The following EMP2 variants were observed in gnomAD, a reference collection of about 807,000 sequenced individuals.
EMP2 encodes the protein epithelial membrane protein 2.
Under a neutral mutation model 13.7 loss-of-function variants are expected in EMP2, and 19 were observed. The observed-to-expected ratio is 1.38, with a 90% CI of 0.97 to 2.03. EMP2 has a LOEUF of 2.03. Ranked by LOEUF, EMP2 falls within the 30% of genes most tolerant of loss-of-function variation. The probability of loss-of-function intolerance (pLI) is 0.00; values close to 1 mark genes in which losing one functional copy is unlikely to be tolerated. For synonymous variants in EMP2, 97 were observed against 84.7 expected, an observed-to-expected ratio of 1.15 and a Z score of -0.80; for missense variants, 253 against 220.7, an observed-to-expected ratio of 1.15 and a Z score of -0.93.
At chr16:10,562,861 C>G (rs917272056) in intron 1 of EMP2, among the ~76,000 whole-genome samples, 13 of 152,220 alleles carry the variant, frequency 8.5e-5, no homozygotes, top group Admixed American at 8.5e-4. Context: ...CTGCCAATGA[C>G]TGCTGCCTGA....
intron 1 of EMP2, chr16:10,559,065 C>T (rs2050853880): frequency 6.6e-6 from 1 of 152,414 alleles, no homozygotes; most frequent in Admixed American, 6.5e-5. Flanking sequence ...AGCTCCCGCT[C>T]CAACGGCCAG....
intron 4 of EMP2, 148 bp downstream of exon 4, chr16:10,537,780 A>ACG (rs1007659678): frequency 4.2e-5 from 39 of 934,568 alleles, no homozygotes; most frequent in Non-Finnish European, 5.3e-5. Flanking sequence ...ACACACACAC[A>ACG]CGCAAACACA....
chr16:10,541,875 T>A (rs902115879), intron 3 of EMP2, among the ~76,000 whole-genome samples: 1 of 151,850 alleles, frequency 6.6e-6, no homozygotes, highest in African/African-American at 2.4e-5. Context: ...GATGGGGCTA[T>A]GAGATCACCT....
intron 3 of EMP2, among the ~76,000 whole-genome samples, chr16:10,541,857 C>G (rs2050702028): frequency 6.6e-6 from 1 of 152,266 alleles, no homozygotes; most frequent in African/African-American, 2.4e-5. Context: ...GGCCTATGGT[C>G]CCTGCCTGAT....
At chr16:10,533,294 T>C (rs1247592894) in intron 4 of EMP2, among the ~76,000 whole-genome samples, 1 of 152,164 alleles carries the variant, frequency 6.6e-6, no homozygotes. Context: ...TGCCTCGGCC[T>C]CCCAAAGTGC....
At position 10,547,344 on chromosome 16, in the gene EMP2, G is replaced by T. The variant is rs1381549766; in HGVS notation, c.78+196C>A. On this transcript the variant is annotated intron_variant, in intron 2 of 4. Coordinates refer to ENST00000359543, the MANE Select transcript of EMP2 (RefSeq NM_001424.6). ...TCTTGCCTGCCACCATGTAAGATGTGGCTTTGCTCCTCCTTTGCCTTCTGC... is the reference window on the plus strand; with the variant it reads ...TCTTGCCTGCCACCATGTAAGATGTTGCTTTGCTCCTCCTTTGCCTTCTGC... 1.2e-5 allele frequency: 7 copies of T among 570,366 alleles called. 1 individual carries two copies. Among genetic ancestry groups the T allele is most frequent in the Non-Finnish European group, 2.1e-5 (7 of 327,060 alleles). 35.3% of individuals were successfully genotyped at this position (570,366 alleles called of 1,614,324 possible). A position where few individuals can be genotyped will look rare whatever the true frequency, so the allele number is the denominator to read the frequency against.
chr16:10,547,956 AC>A (rs2050752381), intron 1 of EMP2, among the ~76,000 whole-genome samples: 1 of 152,118 alleles, frequency 6.6e-6, no homozygotes, highest in Non-Finnish European at 1.5e-5. Flanking sequence ...ATTGCTTGAG[AC>A]TGGGAGGTTG....
chr16:10,552,461 G>T (rs76521341), intron 1 of EMP2, among the ~76,000 whole-genome samples: 2,022 of 152,288 alleles, frequency 0.013, 45 homozygotes, highest in African/African-American at 0.045. Context: ...TGGTGAAAAA[G>T]TTCCCATTCC....
chr16:10,573,232 G>T (rs375243410), intron 1 of EMP2, among the ~76,000 whole-genome samples: 1 of 151,934 alleles, frequency 6.6e-6, no homozygotes, highest in Non-Finnish European at 1.5e-5. Context: ...CTATTTTTTT[G>T]TAGAGACAGG....
chr16:10,554,553 C>T (rs530867346), intron 1 of EMP2, among the ~76,000 whole-genome samples: 4 of 152,260 alleles, frequency 2.6e-5, no homozygotes, highest in South Asian at 2.1e-4. Flanking sequence ...AAACAGTTCC[C>T]GGGGCTGTGT....
At chr16:10,567,223 C>T (rs534677303) in intron 1 of EMP2, among the ~76,000 whole-genome samples, 2 of 152,320 alleles carry the variant, frequency 1.3e-5, no homozygotes, top group South Asian at 2.1e-4. Context: ...GCTCTGTCCC[C>T]GTGCCCAGCA....
At chr16:10,569,606 C>T (rs1310591595) in intron 1 of EMP2, among the ~76,000 whole-genome samples, 1 of 152,148 alleles carries the variant, frequency 6.6e-6, no homozygotes, top group African/African-American at 2.4e-5. Context: ...AGGCATGAGC[C>T]ACCACACCCA....
intron 1 of EMP2, among the ~76,000 whole-genome samples, chr16:10,565,974 C>A (rs909535426): frequency 1.2e-4 from 18 of 152,206 alleles, no homozygotes; most frequent in African/African-American, 4.3e-4. Flanking sequence ...CAAAGAGAAT[C>A]ACGCACTCAT....
intron 1 of EMP2, among the ~76,000 whole-genome samples, chr16:10,574,302 C>T (rs1246723238): frequency 6.6e-6 from 1 of 152,064 alleles, no homozygotes; most frequent in African/African-American, 2.4e-5. Context: ...AGGTTGCTTC[C>T]ACTTTTCCTT....
intron 4 of EMP2, among the ~76,000 whole-genome samples, chr16:10,534,563 C>G (rs1010786343): frequency 6.6e-6 from 1 of 152,078 alleles, no homozygotes; most frequent in Non-Finnish European, 1.5e-5. Flanking sequence ...CCCAGGAGCT[C>G]GAGACCAGCC....
intron 1 of EMP2, among the ~76,000 whole-genome samples, chr16:10,566,611 G>C: frequency 6.6e-6 from 1 of 152,186 alleles, no homozygotes; most frequent in Non-Finnish European, 1.5e-5. Flanking sequence ...GCAGAAAACA[G>C]CATTAAACAG....
chr16:10,535,778 G>C (rs985097762), intron 4 of EMP2, among the ~76,000 whole-genome samples: 1 of 152,154 alleles, frequency 6.6e-6, no homozygotes, highest in Admixed American at 6.5e-5. Context: ...GGGGGTCCAC[G>C]CCTCTAACTG....
intron 1 of EMP2, among the ~76,000 whole-genome samples, chr16:10,564,950 G>A (rs548848009): frequency 1.3e-5 from 2 of 152,272 alleles, no homozygotes; most frequent in South Asian, 4.1e-4. Flanking sequence ...AGCATCACCT[G>A]CCATAAATAG....
chr16:10,559,636 T>C lies in EMP2; in HGVS notation c.-60-11959A>G, dbSNP rs941448812. Among the ~76,000 whole-genome samples the C allele has an allele frequency of 3.3e-5, 5 of 152,384 alleles. No homozygotes were observed. The Middle Eastern group carries it at 0.01, about 311-fold the overall frequency. On this transcript the variant is annotated intron_variant, in intron 1 of 4. Transcript: ENST00000359543. ...CTTTTGCCTGGATTAATTTATTCAT[T>C]ACTCACCAACTCTGATGAAGGTTTT...
Sources: gnomAD v4.1 joint callset for allele counts (sites outside exome capture counted in the v4.1 genomes callset) on GRCh38, gnomAD v4.1.1 for gene constraint, MANE v1.5 for transcripts, NCBI Gene and HGNC (gene_info 2026-07-23, HGNC 2026-07-21) for gene names.